The following RELL1 variants were observed in gnomAD, a reference collection of about 807,000 sequenced individuals.
RELL1 encodes the protein RELT like 1.
A neutral mutation model predicts 23.0 loss-of-function variants in RELL1; 10 were observed. That is an observed-to-expected ratio of 0.43 (90% confidence interval 0.27 to 0.74). The LOEUF (loss-of-function observed/expected upper bound fraction) is 0.74. Ranked by LOEUF, RELL1 falls within the 30% of genes least tolerant of loss-of-function variation. RELL1 has a pLI of 0.19. For synonymous variants in RELL1, 146 were observed against 146.8 expected (o/e 0.99, Z 0.04); for missense variants, 315 against 364.4 (o/e 0.86, Z 1.10).
At chr4:37,673,990 T>G (rs1721932153) in intron 1 of RELL1, among the ~76,000 whole-genome samples, 1 of 152,180 alleles carries the variant, frequency 6.6e-6, no homozygotes, top group Non-Finnish European at 1.5e-5. Context: ...TTTCCTTTGC[T>G]CAGCACACCA....
At chr4:37,669,892 A>G (rs969832040) in intron 1 of RELL1, among the ~76,000 whole-genome samples, 9 of 151,576 alleles carry the variant, frequency 5.9e-5, no homozygotes, top group Admixed American at 2.6e-4. Flanking sequence ...CCAGGGACAC[A>G]AACAATGCGG....
At chr4:37,590,241 G>A (rs891837524), downstream of RELL1, 4 of 1,614,118 alleles carry the variant, frequency 2.5e-6, no homozygotes, top group Non-Finnish European at 3.4e-6. Context: ...AGGGCTCAAA[G>A]AAGACTGAGA....
chr4:37,671,216 A>AC (rs1304844426), intron 1 of RELL1, among the ~76,000 whole-genome samples: 7 of 151,926 alleles, frequency 4.6e-5, no homozygotes, highest in Admixed American at 4.6e-4. Flanking sequence ...GCTTTCCATG[A>AC]CCCCCCTCAA....
chr4:37,653,919 C>T (rs1462860005), intron 1 of RELL1, among the ~76,000 whole-genome samples: 2 of 152,186 alleles, frequency 1.3e-5, no homozygotes, highest in Non-Finnish European at 2.9e-5. Flanking sequence ...AACTGATGCT[C>T]CATGGGGCAT....
At chr4:37,661,697 T>C (rs557011586) in intron 1 of RELL1, among the ~76,000 whole-genome samples, 40 of 152,310 alleles carry the variant, frequency 2.6e-4, no homozygotes, top group African/African-American at 9.6e-4. Flanking sequence ...GTTACAGAGA[T>C]AACTAAAGTC....
At chr4:37,674,701 G>A (rs1294185306) in intron 1 of RELL1, among the ~76,000 whole-genome samples, 1 of 151,530 alleles carries the variant, frequency 6.6e-6, no homozygotes, top group East Asian at 1.9e-4. Context: ...AGAACTGTTA[G>A]AACATTTGAA....
At chr4:37,590,088 CTA>C (rs781069010), downstream of RELL1, 4 of 1,607,314 alleles carry the variant, frequency 2.5e-6, no homozygotes, top group Admixed American at 6.7e-5. Flanking sequence ...TTTCCTGAAG[CTA>C]TCTCTTTGAT....
intron 6 of RELL1, among the ~76,000 whole-genome samples, chr4:37,596,085 A>C (rs746629100): frequency 2.6e-5 from 4 of 152,170 alleles, no homozygotes; most frequent in Non-Finnish European, 5.9e-5. Flanking sequence ...CCCATGTGAC[A>C]CGTGCCTGGT....
chr4:37,671,946 TC>T (rs1431203167), intron 1 of RELL1, among the ~76,000 whole-genome samples: 1 of 152,046 alleles, frequency 6.6e-6, no homozygotes, highest in Non-Finnish European at 1.5e-5. Context: ...AGCATACAAC[TC>T]AGATACAGCC....
rs573680156 is a variant in RELL1 at position 37,649,315 on chromosome 4, C to T, written c.274G>A (p.Ala92Thr). Residue 92 changes from alanine (A) to threonine (T), a missense_variant, in exon 2 of 7, where the codon GCA becomes ACA. Transcript: ENST00000454158. ...TTTTCCTCTTCGATATCTTGCTCTG[C>T]TTCTGTTGTACAACGATAGCCTTTC... ...KKKGYRCTTE[A>T]EQDIEEEKVE... The T allele has an allele frequency of 6.2e-7, 1 of 1,614,234 alleles. No homozygotes were observed. Among genetic ancestry groups the T allele is most frequent in the East Asian group, 2.2e-5 (1 of 44,884 alleles).
intron 1 of RELL1, among the ~76,000 whole-genome samples, chr4:37,685,809 A>C (rs974190687): frequency 6.6e-6 from 1 of 152,258 alleles, no homozygotes; most frequent in African/African-American, 2.4e-5. Context: ...GCTCTGTGTC[A>C]CGATCTTCCG....
chr4:37,675,126 T>G (rs1471542226), intron 1 of RELL1, among the ~76,000 whole-genome samples: 1 of 152,228 alleles, frequency 6.6e-6, no homozygotes, highest in Non-Finnish European at 1.5e-5. Flanking sequence ...AGTGGACAAT[T>G]TCTGTAGAAT....
At position 37,663,745 on chromosome 4, in the gene RELL1, C is replaced by T. The variant is rs1721435803; in HGVS notation, c.89-14245G>A. Among the ~76,000 whole-genome samples the T allele has an allele frequency of 2.0e-5, 3 of 152,158 alleles. No homozygotes were observed. The South Asian group carries it at 6.2e-4, about 32-fold the overall frequency. On this transcript the variant is annotated intron_variant, in intron 1 of 6. Transcript: ENST00000454158. ...GGGGCCCACACTCTTAGCCATGTTG[C>T]TTAACAGTGTCTGTAAGTGGCGGTG...
At chr4:37,667,141 T>G (rs1172335283) in intron 1 of RELL1, among the ~76,000 whole-genome samples, 1 of 151,952 alleles carries the variant, frequency 6.6e-6, no homozygotes, top group Non-Finnish European at 1.5e-5. Flanking sequence ...GAAGTCAATG[T>G]TAAAGAAGAG....
chr4:37,660,858 C>T (rs540897129), intron 1 of RELL1, among the ~76,000 whole-genome samples: 25 of 152,138 alleles, frequency 1.6e-4, no homozygotes, highest in East Asian at 3.9e-4. Context: ...GGTGAAACCC[C>T]GTCTCTACTA....
At chr4:37,659,982 C>A (rs1677957802) in intron 1 of RELL1, among the ~76,000 whole-genome samples, 1 of 152,156 alleles carries the variant, frequency 6.6e-6, no homozygotes. Flanking sequence ...ACTGAACCAA[C>A]AAACTCTTGA....
At chr4:37,616,834 C>T (rs1719591878) in intron 6 of RELL1, among the ~76,000 whole-genome samples, 1 of 152,192 alleles carries the variant, frequency 6.6e-6, no homozygotes, top group South Asian at 2.1e-4. Context: ...GCTCTACTGA[C>T]CATTCTGCAG....
chr4:37,588,585 G>T (rs1718435319), downstream of RELL1: 1 of 399,910 alleles, frequency 2.5e-6, no homozygotes, highest in Non-Finnish European at 4.6e-6. Context: ...AAATGGGGAT[G>T]AAACACATAA....
chr4:37,614,166 A>G (rs934829036), intron 6 of RELL1, among the ~76,000 whole-genome samples: 1 of 152,214 alleles, frequency 6.6e-6, no homozygotes, highest in African/African-American at 2.4e-5. Flanking sequence ...TTTGAAGAAC[A>G]TACTTTTTAC....
Sources: allele counts gnomAD v4.1 joint callset (sites outside exome capture counted in the v4.1 genomes callset), GRCh38; gene constraint gnomAD v4.1.1; transcripts MANE v1.5; gene names NCBI Gene and HGNC (gene_info 2026-07-23, HGNC 2026-07-21).